Variants in TTC7B observed in about 807,000 individuals in gnomAD.
TTC7B encodes the protein tetratricopeptide repeat protein 7B.
A neutral mutation model predicts 106.8 loss-of-function variants in TTC7B; 28 were observed. The ratio of observed to expected loss-of-function variants is 0.26; its 90% CI spans 0.19 to 0.36. The LOEUF (loss-of-function observed/expected upper bound fraction) is 0.36, where lower values mean the gene tolerates loss of function less well. TTC7B is among the 10% of genes least tolerant of loss of function. The pLI, the probability that TTC7B is intolerant of heterozygous loss-of-function variation, is 1.00. For missense variants in TTC7B, 862 were observed against 1,076.4 expected (o/e 0.80, Z 2.79); for synonymous variants, 405 against 430.6 (o/e 0.94, Z 0.74).
chr14:90,797,461 A>C (rs186937325), intron 1 of TTC7B, among the ~76,000 whole-genome samples: 1 of 148,784 alleles, frequency 6.7e-6, no homozygotes, highest in Non-Finnish European at 1.5e-5. Context: ...TAGTCTAAAG[A>C]AAAAAAAAGC....
At chr14:90,758,169 C>T (rs1890367070) in intron 3 of TTC7B, among the ~76,000 whole-genome samples, 1 of 151,496 alleles carries the variant, frequency 6.6e-6, no homozygotes, top group African/African-American at 2.4e-5. Flanking sequence ...TTCTCCATCC[C>T]TGAACTCGAG....
intron 7 of TTC7B, among the ~76,000 whole-genome samples, chr14:90,687,606 T>A (rs1040172553): frequency 1.3e-5 from 2 of 152,214 alleles, no homozygotes; most frequent in African/African-American, 4.8e-5. Context: ...GAGTCTATTT[T>A]TATGATATAA....
intron 14 of TTC7B, 39 bp downstream of exon 14, chr14:90,646,912 C>T: frequency 6.5e-7 from 1 of 1,549,134 alleles, no homozygotes; most frequent in South Asian, 1.1e-5. Flanking sequence ...TATCAAGATA[C>T]AGAGTGCAGC....
At chr14:90,656,363 T>C (rs1394532765) in intron 11 of TTC7B, among the ~76,000 whole-genome samples, 1 of 152,250 alleles carries the variant, frequency 6.6e-6, no homozygotes, top group Non-Finnish European at 1.5e-5. Flanking sequence ...TATGTGGCAA[T>C]TATCTATACC....
chr14:90,597,537 A>T (rs1259422922), intron 17 of TTC7B, among the ~76,000 whole-genome samples: 1 of 152,106 alleles, frequency 6.6e-6, no homozygotes, highest in Non-Finnish European at 1.5e-5. Flanking sequence ...GCACACCTGT[A>T]ATCCCAGCTA....
In TTC7B at chr14:90,657,340, C is replaced by G. The variant is rs1885992646; in HGVS notation, c.1237-62G>C. ...TGTTTGACAGAACCGAATACTACAG[C>G]CTTCTCAGAGGGGTTTTTGGTCAGG... On this transcript the variant is annotated intron_variant, in intron 10 of 19. Transcript: ENST00000328459. The surrounding 1 kb of genome is among the most constrained non-coding windows in gnomAD (Gnocchi z 4.2). 5.8e-6 allele frequency: 9 copies of G among 1,543,628 alleles called. No individual in the cohort carries two copies. In the South Asian group the frequency reaches 9.2e-5, roughly 16 times the overall value.
At chr14:90,724,440 G>A (rs1359178143) in intron 5 of TTC7B, among the ~76,000 whole-genome samples, 3 of 152,118 alleles carry the variant, frequency 2.0e-5, no homozygotes, top group African/African-American at 7.2e-5. Context: ...AATGGGGCCT[G>A]GTAGGGGGTG....
In TTC7B at chr14:90,626,316, CA is replaced by C. The variant is rs1317128356; in HGVS notation, c.1752-8272del. 4.6e-5 allele frequency among the ~76,000 whole-genome samples: 7 copies of C among 152,238 alleles called. No individual in the cohort carries two copies. The East Asian group carries it at 1.3e-3, about 29-fold the overall frequency. On this transcript the variant is annotated intron_variant, in intron 15 of 19. Transcript: ENST00000328459. Reference sequence around the variant, plus strand: ...AAATTCAGTGAGAATTCTGAACAACCATTTACATTAAGCCCCCAAAGGAAGG... The same window carrying C: ...AAATTCAGTGAGAATTCTGAACAACCTTTACATTAAGCCCCCAAAGGAAGG...
At chr14:90,584,806 G>A (rs1167094948) in intron 18 of TTC7B, among the ~76,000 whole-genome samples, 3 of 152,054 alleles carry the variant, frequency 2.0e-5, no homozygotes, top group African/African-American at 4.8e-5. Context: ...TGCTGTGGAG[G>A]GCAGAGGGGT....
In TTC7B at chr14:90,734,256, T is replaced by TA. The variant is rs543003419; in HGVS notation, c.577-4061dup. Among the ~76,000 whole-genome samples, 220 of 151,994 alleles carry TA rather than the reference T, an allele frequency of 1.4e-3. 1 individual carries two copies. Among genetic ancestry groups the TA allele is most frequent in the African/African-American group, 5.2e-3 (214 of 41,462 alleles). Reference sequence around the variant, plus strand: ...CAACATGGCAAAACCCCGTCTCTACTAAAAATACAAAAACTTAGCCAGGTG... The same window carrying TA: ...CAACATGGCAAAACCCCGTCTCTACTAAAAAATACAAAAACTTAGCCAGGTG... On this transcript the variant is annotated intron_variant, in intron 4 of 19. Coordinates refer to ENST00000328459, the MANE Select transcript of TTC7B (RefSeq NM_001010854.2).
rs1213106650 is a variant in TTC7B at position 90,538,311 on chromosome 14, AATGGATGGATGG to A, written c.*3045_*3056del. The A allele has an allele frequency of 6.7e-6, 1 of 149,682 alleles. No homozygotes were observed. The highest frequency in any genetic ancestry group is 2.5e-5 in the African/African-American group (1 of 40,074). The allele number at this position is 149,682 out of a possible 1,614,324, so 9.3% of individuals were successfully genotyped here. ...GGACGGACGGACGGGTGGACGGATG[AATGGATGGATGG>A]ATGGATGGACGGATGGATGAATGTC... On this transcript the variant is annotated 3_prime_UTR_variant, in exon 20 of 20. Coordinates refer to ENST00000328459, the MANE Select transcript of TTC7B (RefSeq NM_001010854.2).
intron 5 of TTC7B, among the ~76,000 whole-genome samples, chr14:90,706,876 T>G (rs1180047719): frequency 6.6e-6 from 1 of 152,196 alleles, no homozygotes; most frequent in Non-Finnish European, 1.5e-5. Context: ...CTCTCACATA[T>G]AAACACATAC....
chr14:90,676,229 C>G (rs982647275), intron 9 of TTC7B: 2 of 86,994 alleles, frequency 2.3e-5, no homozygotes, highest in Non-Finnish European at 4.1e-5. Flanking sequence ...GGGAGATTTT[C>G]AGTTGGTGGA....
rs963526089 is a variant in TTC7B at position 90,805,415 on chromosome 14, C to T, written c.121+10760G>A. On this transcript the variant is annotated intron_variant, in intron 1 of 19. Transcript: ENST00000328459. This position sits in a 1 kb window ranked among gnomAD's most constrained non-coding sequence, Gnocchi z 4.0. ...CGTAGCTGCGATTACAGGCGTGTAC[C>T]ACAATGCCCGGCTAATTTTTTTGTA... Among the ~76,000 whole-genome samples the T allele has an allele frequency of 6.6e-6, 1 of 152,204 alleles. No homozygotes were observed. Among genetic ancestry groups the T allele is most frequent in the Non-Finnish European group, 1.5e-5 (1 of 68,036 alleles).
chr14:90,587,104 C>T (rs1334513063), intron 18 of TTC7B, among the ~76,000 whole-genome samples: 1 of 152,198 alleles, frequency 6.6e-6, no homozygotes, highest in Non-Finnish European at 1.5e-5. Flanking sequence ...TGCCGGCGTC[C>T]ACTTTGACTG....
intron 3 of TTC7B, among the ~76,000 whole-genome samples, chr14:90,753,250 A>G (rs1389379860): frequency 1.3e-5 from 2 of 152,240 alleles, no homozygotes; most frequent in African/African-American, 2.4e-5. Context: ...TGGGACAGGT[A>G]CACCCTGATG....
chr14:90,528,524 T>C lies in TTC7B; in HGVS notation c.*12844A>G, dbSNP rs1282949868. 2.0e-5 allele frequency: 3 copies of C among 153,236 alleles called. No homozygotes were observed. Among genetic ancestry groups the C allele is most frequent in the Non-Finnish European group, 2.9e-5 (2 of 68,744 alleles). 9.5% of individuals were successfully genotyped at this position (153,236 alleles called of 1,614,324 possible). A position where few individuals can be genotyped will look rare whatever the true frequency, so the allele number is the denominator to read the frequency against. ...AGTGCGCTTCGTTACCCGTTTCTGA[T>C]GGCATGACCCGACTGCACTTTGTTA... On this transcript the variant is annotated 3_prime_UTR_variant, in exon 20 of 20. Coordinates refer to ENST00000328459, the MANE Select transcript of TTC7B (RefSeq NM_001010854.2).
At chr14:90,596,179 A>G (rs35572838) in intron 17 of TTC7B, among the ~76,000 whole-genome samples, 5 of 152,238 alleles carry the variant, frequency 3.3e-5, no homozygotes, top group Non-Finnish European at 7.3e-5. Context: ...ATTAAAAATA[A>G]CAATAATAAA....
intron 2 of TTC7B, among the ~76,000 whole-genome samples, chr14:90,782,386 G>A (rs1012097022): frequency 4.6e-5 from 7 of 152,130 alleles, no homozygotes; most frequent in African/African-American, 1.2e-4. Context: ...ATCACTTGAC[G>A]CCAGAAGTTC....
Sources: gnomAD v4.1 joint callset for allele counts (sites outside exome capture counted in the v4.1 genomes callset) on GRCh38, gnomAD v4.1.1 for gene constraint, Gnocchi (gnomAD v3.1) non-coding constraint, MANE v1.5 for transcripts, NCBI Gene and HGNC (gene_info 2026-07-23, HGNC 2026-07-21) for gene names.